Variants in MYT1L observed in about 807,000 individuals in gnomAD.
MYT1L encodes myelin transcription factor 1 like, also known as myelin transcription factor 1-like protein.
A neutral mutation model predicts 126.7 loss-of-function variants in MYT1L; 12 were observed. That is an observed-to-expected ratio of 0.09 (90% CI 0.06 to 0.15). The LOEUF is 0.15. Ranked by LOEUF, MYT1L falls within the 10% of genes least tolerant of loss-of-function variation. The pLI is 1.00. For synonymous variants in MYT1L, 541 were observed against 604.2 expected, an observed-to-expected ratio of 0.90 and a Z score of 1.53; for missense variants, 979 against 1,585.2, an observed-to-expected ratio of 0.62 and a Z score of 6.49.
intron 3 of MYT1L, 62 bp from the exon 4 acceptor site, chr2:2,054,185 CT>C (rs1292063549): frequency 8.5e-5 from 13 of 152,768 alleles, no homozygotes; most frequent in African/African-American, 2.9e-4. Flanking sequence ...CAAAACTCTA[CT>C]TGAGGGACGT....
chr2:2,064,142 G>T (rs1294947925), intron 3 of MYT1L, among the ~76,000 whole-genome samples: 1 of 152,182 alleles, frequency 6.6e-6, no homozygotes. Context: ...CCCAGAGAAA[G>T]GGGCTATAGA....
chr2:1,810,658 A>AT (rs1209016492), intron 21 of MYT1L, among the ~76,000 whole-genome samples: 1 of 151,566 alleles, frequency 6.6e-6, no homozygotes, highest in Non-Finnish European at 1.5e-5. Context: ...CTTTCTAAAT[A>AT]TTATTTTTGT....
rs576246841 is a variant in MYT1L at position 2,295,743 on chromosome 2, G to C, written c.-520-11240C>G. On this transcript the variant is annotated intron_variant, in intron 1 of 24. Transcript: ENST00000647738. ...AGAGAGATAGAGAGACAGACAGACA[G>C]AGAGAGAGAGACAGACAGACAGACA... 4.4e-5 allele frequency among the ~76,000 whole-genome samples: 6 copies of C among 137,704 alleles called. No homozygotes were observed. The South Asian group carries it at 1.4e-3, about 33-fold the overall frequency. 90.3% of individuals were successfully genotyped at this position (137,704 alleles called of 152,430 possible).
chr2:2,215,165 A>G (rs1208001808), intron 2 of MYT1L, among the ~76,000 whole-genome samples: 2 of 152,204 alleles, frequency 1.3e-5, no homozygotes, highest in Non-Finnish European at 2.9e-5. Context: ...TAAAGAACAG[A>G]TGGGATAAAT....
In MYT1L at chr2:1,839,187, G is replaced by C. The variant is rs747976620; in HGVS notation, c.3042C>G (p.Gly1014=). The change falls in exon 21 of 25, where the codon GGC becomes GGG. Residue 1014 remains glycine (G), a synonymous_variant. Coordinates refer to ENST00000647738, the MANE Select transcript of MYT1L (RefSeq NM_001303052.2). ...GGAAGCTGCCGCTGACGTGGCCTGA[G>C]CCGTCGCATCCTGGCGTGGGGCAGG... ...GMSCPTPGCD[G]SGHVSGSFLT... The C allele has an allele frequency of 1.9e-6, 3 of 1,613,350 alleles. No individual in the cohort carries two copies. The East Asian group carries it at 6.7e-5, about 36-fold the overall frequency.
At chr2:2,311,413 C>A (rs1210666385) in intron 1 of MYT1L, among the ~76,000 whole-genome samples, 1 of 152,208 alleles carries the variant, frequency 6.6e-6, no homozygotes, top group Non-Finnish European at 1.5e-5. Context: ...TTCTCCTTAT[C>A]TAACTTGGAA....
chr2:1,898,353 C>T (rs56919961), intron 14 of MYT1L, among the ~76,000 whole-genome samples: 19,419 of 152,160 alleles, frequency 0.13, 1,451 homozygotes, highest in East Asian at 0.31. Flanking sequence ...ACTAGTGTTT[C>T]AAGTAAGTTG....
chr2:2,314,295 T>C (rs1162805090), intron 1 of MYT1L, among the ~76,000 whole-genome samples: 1 of 152,198 alleles, frequency 6.6e-6, no homozygotes, highest in Non-Finnish European at 1.5e-5. Context: ...GTGAATCATA[T>C]ACAAATCATA....
At chr2:2,011,420 GA>G (rs1478040679) in intron 4 of MYT1L, among the ~76,000 whole-genome samples, 2 of 135,940 alleles carry the variant, frequency 1.5e-5, no homozygotes, top group South Asian at 2.4e-4. Flanking sequence ...GAAAAAAAAA[GA>G]AAAAAAAGAA....
At chr2:1,995,570 A>C (rs1176851562) in intron 5 of MYT1L, among the ~76,000 whole-genome samples, 1 of 152,232 alleles carries the variant, frequency 6.6e-6, no homozygotes, top group Non-Finnish European at 1.5e-5. Context: ...TTGTCAGCAC[A>C]GCCGCTGTAG....
At chr2:2,109,501 T>C (rs1210368398) in intron 3 of MYT1L, among the ~76,000 whole-genome samples, 1 of 151,644 alleles carries the variant, frequency 6.6e-6, no homozygotes, top group Non-Finnish European at 1.5e-5. Flanking sequence ...AATCTCAAAG[T>C]ACAAAGAGAA....
intron 3 of MYT1L, among the ~76,000 whole-genome samples, chr2:2,125,127 C>A (rs2081523555): frequency 6.6e-6 from 1 of 152,182 alleles, no homozygotes; most frequent in Admixed American, 6.5e-5. Flanking sequence ...TTTCTCTTTA[C>A]CTTCCTGTCT....
At chr2:2,204,427 C>T (rs1268570091) in intron 2 of MYT1L, among the ~76,000 whole-genome samples, 2 of 150,706 alleles carry the variant, frequency 1.3e-5, no homozygotes, top group African/African-American at 4.9e-5. Context: ...AAAAAACAAA[C>T]AACCCCATCA....
intron 4 of MYT1L, among the ~76,000 whole-genome samples, chr2:2,033,869 G>T (rs1020159809): frequency 2.0e-5 from 3 of 152,194 alleles, no homozygotes; most frequent in African/African-American, 7.2e-5. Context: ...GTGGGGCTGC[G>T]ATGCCACATG....
chr2:2,139,419 A>G (rs976714737), intron 3 of MYT1L, among the ~76,000 whole-genome samples: 6 of 151,930 alleles, frequency 3.9e-5, no homozygotes, highest in Non-Finnish European at 7.4e-5. Context: ...CAGGAGTTCA[A>G]GACTAGCCTG....
At chr2:2,248,024 AAAT>A (rs2094566511) in intron 2 of MYT1L, among the ~76,000 whole-genome samples, 1 of 152,138 alleles carries the variant, frequency 6.6e-6, no homozygotes, top group African/African-American at 2.4e-5. Flanking sequence ...AGAAGAAAAT[AAAT>A]AATAAAGATA....
At chr2:2,102,339 G>A (rs576328838) in intron 3 of MYT1L, among the ~76,000 whole-genome samples, 2 of 152,250 alleles carry the variant, frequency 1.3e-5, no homozygotes, top group East Asian at 3.9e-4. Context: ...ATGGAACATA[G>A]GTAAATTTTC....
At chr2:2,306,319 T>C (rs149161556) in intron 1 of MYT1L, among the ~76,000 whole-genome samples, 12 of 152,292 alleles carry the variant, frequency 7.9e-5, no homozygotes, top group Non-Finnish European at 1.6e-4. Flanking sequence ...TGCACAACTA[T>C]TGTTTTTTAA....
At chr2:2,251,823 T>A in intron 2 of MYT1L, among the ~76,000 whole-genome samples, 4 of 122,634 alleles carry the variant, frequency 3.3e-5, no homozygotes, top group East Asian at 2.3e-4. Context: ...AGGTTCAATA[T>A]GGGAAAAGAA....
Sources: gnomAD v4.1 joint callset for allele counts (sites outside exome capture counted in the v4.1 genomes callset) on GRCh38, gnomAD v4.1.1 for gene constraint, MANE v1.5 for transcripts, NCBI Gene and HGNC (gene_info 2026-07-23, HGNC 2026-07-21) for gene names.